SOX6: variants seen among roughly 807,000 people sequenced by gnomAD.
SOX6 encodes transcription factor SOX-6.
Under a neutral mutation model 97.8 loss-of-function variants are expected in SOX6, and 11 were observed. The observed-to-expected ratio is 0.11, with a 90% CI of 0.07 to 0.19. SOX6 has a LOEUF of 0.19. Among genes scored for constraint, SOX6 ranks in the 10% least tolerant of loss-of-function variants. SOX6 has a pLI of 1.00. For synonymous variants in SOX6, 360 were observed against 371.4 expected (o/e 0.97, Z 0.35); for missense variants, 810 against 1,039.5 (o/e 0.78, Z 3.04).
chr11:16,067,375 G>A lies in SOX6; in HGVS notation c.1102-11474C>T, dbSNP rs112636347. 7.9e-3 allele frequency among the ~76,000 whole-genome samples: 1,203 copies of A among 152,166 alleles called. 20 individuals are homozygous for A. The highest frequency in any genetic ancestry group is 0.027 in the African/African-American group (1,115 of 41,496). On this transcript the variant is annotated intron_variant, in intron 9 of 15. Transcript: ENST00000683767. ...GAAACATGGGGGCTGGGTTTTTCCC[G>A]TGCTGTTCTCATGATAGTGAATAAG...
intron 3 of SOX6, among the ~76,000 whole-genome samples, chr11:16,250,724 T>C (rs1370531749): frequency 6.6e-6 from 1 of 151,818 alleles, no homozygotes; most frequent in Non-Finnish European, 1.5e-5. Context: ...ATAAGATATA[T>C]CCACATGATT....
rs944779454 is a variant in SOX6, at chr11:16,036,031, G to A, written c.1623+10483C>T. On this transcript the variant is annotated intron_variant, in intron 12 of 15. Transcript: ENST00000683767. ...CTGTTTCTTCATCTATAAAATGAGC[G>A]GCTGTACTAAATGATCTCTAAGGGC... Among the ~76,000 whole-genome samples the A allele has an allele frequency of 5.3e-5, 8 of 151,818 alleles. No homozygotes were observed. In the South Asian group the frequency reaches 1.0e-3, roughly 20 times the overall value.
intron 3 of SOX6, among the ~76,000 whole-genome samples, chr11:16,651,530 T>C (rs1472794825): frequency 2.0e-5 from 3 of 152,162 alleles, no homozygotes; most frequent in Non-Finnish European, 4.4e-5. Flanking sequence ...AATCATGTGA[T>C]CATCTCAATA....
chr11:16,322,435 C>T (rs1855957069), intron 2 of SOX6, among the ~76,000 whole-genome samples: 1 of 152,146 alleles, frequency 6.6e-6, no homozygotes, highest in Non-Finnish European at 1.5e-5. Flanking sequence ...CCCAGCCATG[C>T]TTCCTGTACA....
At chr11:16,223,456 T>C (rs1409211991) in intron 4 of SOX6, among the ~76,000 whole-genome samples, 2 of 152,144 alleles carry the variant, frequency 1.3e-5, no homozygotes, top group African/African-American at 4.8e-5. Context: ...CTCAGATTCA[T>C]ATTATTCTGA....
intron 2 of SOX6, among the ~76,000 whole-genome samples, chr11:16,729,644 A>G (rs928183400): frequency 7.9e-5 from 12 of 152,336 alleles, no homozygotes; most frequent in African/African-American, 1.9e-4. Context: ...TGTAAAGACC[A>G]TCGACACTAT....
intron 4 of SOX6, among the ~76,000 whole-genome samples, chr11:16,608,892 T>C (rs1848366227): frequency 6.6e-6 from 1 of 151,820 alleles, no homozygotes; most frequent in Admixed American, 6.6e-5. Flanking sequence ...TCAAGAGGGG[T>C]GGTTTAAAGG....
At chr11:16,304,255 T>C (rs950511179) in intron 3 of SOX6, among the ~76,000 whole-genome samples, 1 of 152,150 alleles carries the variant, frequency 6.6e-6, no homozygotes, top group African/African-American at 2.4e-5. Flanking sequence ...TATGTTGCTG[T>C]GTTCTGAATT....
intron 13 of SOX6, among the ~76,000 whole-genome samples, chr11:16,003,485 G>A (rs1043653188): frequency 3.3e-5 from 5 of 152,024 alleles, no homozygotes; most frequent in Non-Finnish European, 7.4e-5. Context: ...CAAATTACCA[G>A]TTTTATGTAC....
At chr11:16,424,398 T>G (rs1323408289) in intron 1 of SOX6, among the ~76,000 whole-genome samples, 2 of 152,172 alleles carry the variant, frequency 1.3e-5, no homozygotes, top group Non-Finnish European at 2.9e-5. Context: ...CAAATGGTAT[T>G]TTAAGATAAC....
chr11:16,226,337 G>A (rs1422438758), intron 4 of SOX6, among the ~76,000 whole-genome samples: 1 of 105,414 alleles, frequency 9.5e-6, no homozygotes, highest in East Asian at 3.0e-4. Flanking sequence ...TTTTGTTTTT[G>A]TTTTTTTTTT....
chr11:16,362,425 G>C (rs1423420630), intron 1 of SOX6, among the ~76,000 whole-genome samples: 1 of 152,050 alleles, frequency 6.6e-6, no homozygotes. Flanking sequence ...ATAGCAACAT[G>C]GTACCACCAT....
intron 2 of SOX6, among the ~76,000 whole-genome samples, chr11:16,718,673 T>A (rs1168124937): frequency 6.6e-6 from 1 of 152,240 alleles, no homozygotes; most frequent in Non-Finnish European, 1.5e-5. Flanking sequence ...AGTGGTGAGA[T>A]TATAAATGTT....
In SOX6 at chr11:16,096,017, A is replaced by G; in HGVS notation, c.1080T>C (p.Ser360=). 1 of 1,611,620 alleles carries G rather than the reference A, an allele frequency of 6.2e-7. No individual in the cohort carries two copies. The highest frequency in any genetic ancestry group is 8.5e-7 in the Non-Finnish European group (1 of 1,178,440). Residue 360 remains serine, a synonymous_variant, in exon 9 of 16, where the codon TCT becomes TCC. Coordinates refer to ENST00000683767, the MANE Select transcript of SOX6 (RefSeq NM_001367873.1). ...ATACCTCAATCTGTTTGTGGTTGTA[A>G]GAGTGGCCACCACCATGTTCAAAGG... The part of the protein sequence containing the change: ...LDTFEHGGGH[S]YNHKQIEQLY...
chr11:16,648,586 A>G (rs1849047890), intron 3 of SOX6, among the ~76,000 whole-genome samples: 1 of 152,176 alleles, frequency 6.6e-6, no homozygotes. Context: ...GGCCATTACA[A>G]CAACTCATTA....
intron 10 of SOX6, 85 bp from the exon 11 acceptor site, chr11:16,050,023 C>G (rs2133913710): frequency 7.3e-7 from 1 of 1,370,822 alleles, no homozygotes; most frequent in Non-Finnish European, 1.0e-6. Context: ...TATTTTACAC[C>G]TCAGAGACAA....
chr11:16,227,621 T>C lies in SOX6; in HGVS notation c.535+6961A>G, dbSNP rs77177752. ...CAAATATTTATTGAACATCTACTTA[T>C]ACTTGAGGCACTCTCTACTAATGCA... On this transcript the variant is annotated intron_variant, in intron 4 of 15. Coordinates refer to ENST00000683767, the MANE Select transcript of SOX6 (RefSeq NM_001367873.1). 3.4e-4 allele frequency among the ~76,000 whole-genome samples: 52 copies of C among 152,208 alleles called. No homozygotes were observed. The East Asian group carries it at 9.9e-3, about 29-fold the overall frequency.
At chr11:16,342,855 T>C (rs1856674788) in intron 1 of SOX6, among the ~76,000 whole-genome samples, 1 of 151,848 alleles carries the variant, frequency 6.6e-6, no homozygotes, top group Non-Finnish European at 1.5e-5. Flanking sequence ...CATATTAAAA[T>C]GCTGATACCA....
At chr11:16,708,056 A>G (rs930816015) in intron 3 of SOX6, among the ~76,000 whole-genome samples, 1 of 152,322 alleles carries the variant, frequency 6.6e-6, no homozygotes, top group Non-Finnish European at 1.5e-5. Flanking sequence ...AGCAAACAGT[A>G]ATAACAGTCA....
Sources: allele counts gnomAD v4.1 joint callset (sites outside exome capture counted in the v4.1 genomes callset), GRCh38; gene constraint gnomAD v4.1.1; transcripts MANE v1.5; gene names NCBI Gene and HGNC (gene_info 2026-07-23, HGNC 2026-07-21).